The following ABCC1 variants were observed in gnomAD, a reference collection of about 807,000 sequenced individuals.
ABCC1 encodes ATP binding cassette subfamily C member 1 (ABCC1 blood group), also known as multidrug resistance-associated protein 1.
ABCC1 carries 83 observed loss-of-function variants against 172.9 expected under a neutral mutation model. The ratio of observed to expected loss-of-function variants is 0.48; its 90% CI spans 0.40 to 0.58. ABCC1 has a LOEUF of 0.58. Ranked by LOEUF, ABCC1 falls within the 20% of genes least tolerant of loss-of-function variation. The pLI, the probability that ABCC1 is intolerant of heterozygous loss-of-function variation, is 0.00. For missense variants in ABCC1, 1,817 were observed against 2,002.7 expected, an observed-to-expected ratio of 0.91 and a Z score of 1.77; for synonymous variants, 937 against 825.2, an observed-to-expected ratio of 1.14 and a Z score of -2.32.
At chr16:16,011,077 TA>T (rs1555481708) in intron 3 of ABCC1, among the ~76,000 whole-genome samples, 1 of 151,728 alleles carries the variant, frequency 6.6e-6, no homozygotes, top group South Asian at 2.1e-4. Flanking sequence ...CTACTAAAAA[TA>T]AAAAAATTAG....
intron 24 of ABCC1, among the ~76,000 whole-genome samples, chr16:16,122,774 C>T (rs1418254079): frequency 1.3e-5 from 2 of 150,412 alleles, no homozygotes; most frequent in African/African-American, 4.9e-5. Flanking sequence ...GTCCTAGCTT[C>T]TCGAGAGGCT....
At chr16:16,063,536 A>G (rs538426304) in intron 12 of ABCC1, among the ~76,000 whole-genome samples, 30 of 152,316 alleles carry the variant, frequency 2.0e-4, no homozygotes, top group African/African-American at 5.8e-4. Flanking sequence ...AATCATATTA[A>G]TTAGGAACTG....
Position 16,044,481 on chromosome 16 carries a change from G to A in ABCC1, c.841G>A (p.Asp281Asn), listed in dbSNP as rs200293793. The A allele has an allele frequency of 6.2e-7, 1 of 1,614,200 alleles. No individual in the cohort carries two copies. The highest frequency in any genetic ancestry group is 1.3e-5 in the African/African-American group (1 of 75,058). Residue 281 changes from aspartate (D) to asparagine (N), a missense_variant, in exon 8 of 31, where the codon GAT becomes AAT. Transcript: ENST00000399410. ...GGTGAAGGTTGTGTACTCCTCCAAGGATCCTGCCCAGCCGAAAGAGAGTTC... is the reference window on the plus strand; with the variant it reads ...GGTGAAGGTTGTGTACTCCTCCAAGAATCCTGCCCAGCCGAAAGAGAGTTC... ...QPVKVVYSSKDPAQPKESSKV... is the reference protein window; with the variant it reads ...QPVKVVYSSKNPAQPKESSKV...
chr16:16,130,143 G>A (rs2045616444), intron 26 of ABCC1, among the ~76,000 whole-genome samples: 1 of 152,178 alleles, frequency 6.6e-6, no homozygotes. Flanking sequence ...CTCCTTGTGT[G>A]TAAACTGGGG....
At chr16:16,039,360 C>T (rs1459410310) in intron 7 of ABCC1, among the ~76,000 whole-genome samples, 6 of 139,338 alleles carry the variant, frequency 4.3e-5, no homozygotes, top group Middle Eastern at 3.4e-3. Flanking sequence ...CTCTGCCTCT[C>T]GGGTTCAAGC....
At position 16,114,772 on chromosome 16, in the gene ABCC1, C is replaced by G; in HGVS notation, c.3086C>G (p.Ala1029Gly). ...TAACTCCGAGTGTCTGCAGGGATCG[C>G]CGTGTTTGGCTACTCCATGGCCGTG... ...YGALGISQGI[A>G]VFGYSMAVSI... is the part of the protein sequence containing the mutation. The change falls in exon 23 of 31, where the codon GCC becomes GGC. Residue 1029 changes from alanine to glycine, a missense_variant. This residue lies in a region of ABCC1 where 1,412 missense variants were observed against 1,600.3 expected (regional missense o/e 0.88). Transcript: ENST00000399410. 6.3e-7 allele frequency: 1 copy of G among 1,594,030 alleles called. No homozygotes were observed. The highest frequency in any genetic ancestry group is 1.7e-5 in the Admixed American group (1 of 59,580).
At chr16:15,986,487 C>T (rs906296593) in intron 1 of ABCC1, among the ~76,000 whole-genome samples, 1 of 152,156 alleles carries the variant, frequency 6.6e-6, no homozygotes, top group African/African-American at 2.4e-5. Context: ...CTCACAGGAG[C>T]GTGAACCCTA....
chr16:15,995,832 T>C (rs2047036482), intron 1 of ABCC1, among the ~76,000 whole-genome samples: 1 of 151,980 alleles, frequency 6.6e-6, no homozygotes, highest in South Asian at 2.1e-4. Context: ...CACATCTGGC[T>C]ACTTTTAAAT....
chr16:16,112,718 T>C (rs113245885), intron 22 of ABCC1, among the ~76,000 whole-genome samples: 186 of 152,336 alleles, frequency 1.2e-3, no homozygotes, highest in African/African-American at 4.2e-3. Context: ...ATGTGAGCCA[T>C]GTTTGCAAAT....
intron 26 of ABCC1, among the ~76,000 whole-genome samples, chr16:16,128,183 GTTTTT>G (rs59040014): frequency 6.6e-6 from 1 of 150,420 alleles, no homozygotes; most frequent in Non-Finnish European, 1.5e-5. Flanking sequence ...ATTGAATTCA[GTTTTT>G]TTTTTGTTTG....
chr16:16,109,247 G>T (rs924675280), intron 21 of ABCC1, among the ~76,000 whole-genome samples: 4 of 152,010 alleles, frequency 2.6e-5, no homozygotes, highest in African/African-American at 9.7e-5. Context: ...TGTGACCAAC[G>T]CTCACTGCAG....
chr16:15,959,024 C>G (rs1163781828), intron 1 of ABCC1, among the ~76,000 whole-genome samples: 1 of 152,136 alleles, frequency 6.6e-6, no homozygotes, highest in Non-Finnish European at 1.5e-5. Flanking sequence ...GGTGTGAAAT[C>G]ACACAGCCAC....
Position 16,106,750 on chromosome 16 carries a change from C to T in ABCC1, c.2748C>T (p.Ser916=), listed in dbSNP as rs1221992157. ...TTTGCTTCTCCAGACAGCTCAGCAG[C>T]TCCTCCTCCTATAGTGGGGACATCA... ...AGKQLQRQLS[S]SSSYSGDISR... The change falls in exon 21 of 31, where the codon AGC becomes AGT. Residue 916 remains serine, a synonymous_variant. Transcript: ENST00000399410. The T allele has an allele frequency of 1.2e-6, 2 of 1,614,014 alleles. No homozygotes were observed. The highest frequency in any genetic ancestry group is 1.7e-5 in the Admixed American group (1 of 60,014).
Position 16,119,843 on chromosome 16 carries a change from AAG to A in ABCC1, c.3391-2127_3391-2126del, listed in dbSNP as rs374051649. Among the ~76,000 whole-genome samples, 1,232 of 152,270 alleles carry A rather than the reference AAG, an allele frequency of 8.1e-3. 17 individuals are homozygous for A. Among genetic ancestry groups the A allele is most frequent in the African/African-American group, 0.029 (1,186 of 41,540 alleles). On this transcript the variant is annotated intron_variant, in intron 23 of 30. Coordinates refer to ENST00000399410, the MANE Select transcript of ABCC1 (RefSeq NM_004996.4). ...TGGATTGTTCAGAAAGCAAGCTGGT[AAG>A]AGAGGAAGGAGATGTGGTCCAGGGT...
In ABCC1 at chr16:16,047,717, G is replaced by GA. The variant is rs529121365; in HGVS notation, c.1219-425_1219-424insA. 5.5e-3 allele frequency among the ~76,000 whole-genome samples: 833 copies of GA among 152,114 alleles called. 15 individuals carry two copies. Among genetic ancestry groups the GA allele is most frequent in the African/African-American group, 0.019 (800 of 41,464 alleles). On this transcript the variant is annotated intron_variant, in intron 9 of 30. Coordinates refer to ENST00000399410, the MANE Select transcript of ABCC1 (RefSeq NM_004996.4). ...TTAGAGACCCTGGCCCACACCCTCA[G>GA]TCCTTCAGTGGGATCTGGGACCAGT...
intron 1 of ABCC1, among the ~76,000 whole-genome samples, chr16:15,987,570 C>G (rs149717713): frequency 6.6e-6 from 1 of 152,328 alleles, no homozygotes; most frequent in East Asian, 1.9e-4. Context: ...TAGCACTACC[C>G]TCTTCCTAAG....
At chr16:16,099,704 T>C (rs1046762961) in intron 19 of ABCC1, among the ~76,000 whole-genome samples, 4 of 152,124 alleles carry the variant, frequency 2.6e-5, no homozygotes, top group African/African-American at 9.7e-5. Flanking sequence ...CCTCAGACAG[T>C]GCCCACCTTG....
rs45569437 is a variant in ABCC1, at chr16:16,013,600, G to C, written c.352-891G>C. 6.7e-3 allele frequency among the ~76,000 whole-genome samples: 1,018 copies of C among 151,964 alleles called. 14 individuals carry two copies. Among genetic ancestry groups the C allele is most frequent in the African/African-American group, 0.023 (964 of 41,426 alleles). On this transcript the variant is annotated intron_variant, in intron 3 of 30. Coordinates refer to ENST00000399410, the MANE Select transcript of ABCC1 (RefSeq NM_004996.4). The stretch of plus-strand genomic sequence containing the variant: ...TATCCCTACTCTGTATCAAGCGTTG[G>C]AGACACAACCATATAGTCTAGCTGT...
At chr16:15,956,892 G>A (rs2046010016) in intron 1 of ABCC1, among the ~76,000 whole-genome samples, 1 of 152,070 alleles carries the variant, frequency 6.6e-6, no homozygotes, top group Non-Finnish European at 1.5e-5. Context: ...GACCCGTGCA[G>A]TTTAAATGTG....
Sources: gnomAD v4.1 joint callset for allele counts (sites outside exome capture counted in the v4.1 genomes callset) on GRCh38, gnomAD v4.1.1 for gene constraint, gnomAD v4.1.1 regional missense constraint, MANE v1.5 for transcripts, NCBI Gene and HGNC (gene_info 2026-07-23, HGNC 2026-07-21) for gene names.